Variants in PLEKHG4B observed in about 807,000 individuals in gnomAD.
The protein encoded by PLEKHG4B is pleckstrin homology domain-containing family G member 4B.
In PLEKHG4B, 111 loss-of-function variants were observed where a neutral mutation model predicts 121.3. That is an observed-to-expected ratio of 0.92 (90% CI 0.78 to 1.07). The LOEUF (loss-of-function observed/expected upper bound fraction) is 1.07, where lower values mean the gene tolerates loss of function less well. Ranked by LOEUF, PLEKHG4B falls within the 50% of genes least tolerant of loss-of-function variation. The pLI is 0.00. For synonymous variants in PLEKHG4B, 738 were observed against 725.0 expected (o/e 1.02, Z -0.29); for missense variants, 1,831 against 1,757.8 (o/e 1.04, Z -0.74).
Position 143,637 on chromosome 5 carries a change from C to T in PLEKHG4B, c.1811+134C>T. On this transcript the variant is annotated intron_variant, in intron 5 of 19. Coordinates refer to ENST00000637938, the MANE Select transcript of PLEKHG4B (RefSeq NM_052909.5). ...CCTCTCCTAACCTCATCTTTCAGAG[C>T]AGTCAGCACCCATGTGCTTCCAGCC... is the stretch of plus-strand genomic sequence containing the variant. The T allele has an allele frequency of 1.8e-6, 2 of 1,099,908 alleles. 1 individual carries two copies. Among genetic ancestry groups the T allele is most frequent in the South Asian group, 3.0e-5 (2 of 67,256 alleles). The allele number at this position is 1,099,908 out of a possible 1,614,324, so 68.1% of individuals were successfully genotyped here.
intron 1 of PLEKHG4B, among the ~76,000 whole-genome samples, chr5:99,247 A>T (rs1733731093): frequency 7.2e-6 from 1 of 138,978 alleles, no homozygotes; most frequent in African/African-American, 2.7e-5. Flanking sequence ...ATTCTATGCG[A>T]ATTTGAGGAT....
intron 2 of PLEKHG4B, among the ~76,000 whole-genome samples, chr5:123,152 T>C (rs981804155): frequency 2.0e-5 from 3 of 152,136 alleles, no homozygotes; most frequent in Non-Finnish European, 4.4e-5. Context: ...AACTACATAC[T>C]GTAGATGATT....
chr5:121,819 G>A (rs2126369404), intron 2 of PLEKHG4B, among the ~76,000 whole-genome samples: 1 of 152,120 alleles, frequency 6.6e-6, no homozygotes, highest in South Asian at 2.1e-4. Flanking sequence ...TAATAAAAGA[G>A]TAGACCAGCA....
At position 96,141 on chromosome 5, in the gene PLEKHG4B, C is replaced by T. The variant is rs906991307; in HGVS notation, c.45+3865C>T. Among the ~76,000 whole-genome samples, 7 of 152,296 alleles carry T rather than the reference C, an allele frequency of 4.6e-5. No homozygotes were observed. In the East Asian group the frequency reaches 1.3e-3, roughly 29 times the overall value. ...AGTGGTTTGGGATTCAGGCTGTGCA[C>T]ACACTGGCCCAGGTCAACTTTTGGT... is the stretch of plus-strand genomic sequence containing the variant. On this transcript the variant is annotated intron_variant, in intron 1 of 19. Transcript: ENST00000637938.
chr5:108,189 A>G (rs981877974), intron 1 of PLEKHG4B, among the ~76,000 whole-genome samples: 2 of 152,178 alleles, frequency 1.3e-5, no homozygotes, highest in Admixed American at 6.5e-5. Flanking sequence ...GAATCTCTCT[A>G]AATCTACTCA....
chr5:162,088 G>A, intron 12 of PLEKHG4B, 144 bp downstream of exon 12: 1 of 1,066,202 alleles, frequency 9.4e-7, no homozygotes, highest in Non-Finnish European at 1.3e-6. Flanking sequence ...CCTGGCCACT[G>A]CGCCCACGGC....
chr5:163,217 A>G lies in PLEKHG4B; in HGVS notation c.3145A>G (p.Thr1049Ala), dbSNP rs1331070808. 2 of 1,598,948 alleles carry G rather than the reference A, an allele frequency of 1.3e-6. No individual in the cohort carries two copies. Among genetic ancestry groups the G allele is most frequent in the African/African-American group, 2.7e-5 (2 of 74,648 alleles). Residue 1049 changes from threonine to alanine, a missense_variant, in exon 13 of 20, where the codon ACC (threonine) becomes GCC (alanine). Thr to Ala is a moderately conservative substitution (Grantham distance 58). Transcript: ENST00000637938. ...CAGGGGCCTTCCAGGGGCAGGGGCC[A>G]CCACGGCCCACCTGGAGGACAGCTC... ...LLRGLPGAGA[T>A]TAHLEDSSAC...
chr5:92,706 C>T (rs796631159), intron 1 of PLEKHG4B, among the ~76,000 whole-genome samples: 19 of 151,918 alleles, frequency 1.3e-4, no homozygotes, highest in African/African-American at 4.1e-4. Flanking sequence ...ACAGATTTGC[C>T]CTCTCGGTGC....
chr5:146,876 G>A (rs1036380545), intron 6 of PLEKHG4B, among the ~76,000 whole-genome samples: 20 of 150,632 alleles, frequency 1.3e-4, no homozygotes, highest in Admixed American at 9.9e-4. Context: ...TGTCAGTCCC[G>A]CCTGTGGTTT....
chr5:166,321 A>G (rs71583037), intron 13 of PLEKHG4B, among the ~76,000 whole-genome samples: 10 of 23,160 alleles, frequency 4.3e-4, no homozygotes, highest in Admixed American at 1.3e-3. Context: ...GACGGGGCGG[A>G]GCTCACACTA....
At chr5:132,399 A>T (rs558354605) in intron 2 of PLEKHG4B, among the ~76,000 whole-genome samples, 1 of 152,316 alleles carries the variant, frequency 6.6e-6, no homozygotes, top group Non-Finnish European at 1.5e-5. Flanking sequence ...ACTTTAATAA[A>T]GTCCCATCTA....
intron 1 of PLEKHG4B, among the ~76,000 whole-genome samples, chr5:95,426 C>T (rs1008729988): frequency 2.0e-5 from 3 of 152,122 alleles, no homozygotes; most frequent in South Asian, 2.1e-4. Context: ...AAAGCCTCTC[C>T]GGCCCTGGGG....
At chr5:114,952 G>T (rs1279398054) in intron 2 of PLEKHG4B, among the ~76,000 whole-genome samples, 1 of 152,136 alleles carries the variant, frequency 6.6e-6, no homozygotes, top group Non-Finnish European at 1.5e-5. Context: ...TCCCCTTCAT[G>T]TTGATATTCT....
intron 1 of PLEKHG4B, among the ~76,000 whole-genome samples, chr5:108,510 T>TGGTGTAGACAGACTGGGTGCAGATGGCTG (rs1734042035): frequency 7.1e-6 from 1 of 140,408 alleles, no homozygotes; most frequent in African/African-American, 2.7e-5. Context: ...TGCAGATGGC[T>TGGTGTAGACAGACTGGGTGCAGATGGCTG]GGTGTAGACA....
rs770208090 is a variant in PLEKHG4B, at chr5:172,895, A to G, written c.4051-2A>G. On this transcript the variant is annotated splice_acceptor_variant, in intron 16 of 19. Coordinates refer to ENST00000637938, the MANE Select transcript of PLEKHG4B (RefSeq NM_052909.5). LOFTEE classifies it high-confidence loss of function. ...GAAATCCACCTGTGTGTTCCTCTGC[A>G]GGTGAATTTGAAGGAACAGGGGCAG... 6.2e-7 allele frequency: 1 copy of G among 1,614,178 alleles called. No individual in the cohort carries two copies. Among genetic ancestry groups the G allele is most frequent in the East Asian group, 2.2e-5 (1 of 44,882 alleles).
chr5:111,483 G>A (rs917915030), intron 1 of PLEKHG4B, among the ~76,000 whole-genome samples: 3 of 152,210 alleles, frequency 2.0e-5, no homozygotes, highest in East Asian at 1.9e-4. Context: ...CGGTTGAGAC[G>A]GTGGCCCTGG....
At position 169,472 on chromosome 5, in the gene PLEKHG4B, G is replaced by A. The variant is rs770501722; in HGVS notation, c.3609G>A (p.Lys1203=). The change falls in exon 14 of 20, where the codon AAG becomes AAA. Residue 1203 remains lysine (K), a synonymous_variant. Transcript: ENST00000637938. ...ACTTGCCCCAGGGCCTTCGAGGGAA[G>A]CACCACGTTATTTTCGGCAACTTGG... The part of the protein sequence containing the change: ...RMDLPQGLRG[K]HHVIFGNLEK... The A allele has an allele frequency of 1.9e-6, 3 of 1,614,242 alleles. No homozygotes were observed. In the East Asian group the frequency reaches 6.7e-5, roughly 36 times the overall value.
chr5:144,984 C>A (rs970501923), intron 6 of PLEKHG4B, 64 bp downstream of exon 6: 4 of 1,464,346 alleles, frequency 2.7e-6, no homozygotes, highest in Non-Finnish European at 3.8e-6. Context: ...GTTGCTGGGG[C>A]TGCCCACATC....
chr5:138,470 G>A (rs983435436), intron 2 of PLEKHG4B, among the ~76,000 whole-genome samples: 2 of 152,204 alleles, frequency 1.3e-5, no homozygotes, highest in African/African-American at 4.8e-5. Flanking sequence ...TTAGAAAAAG[G>A]CTTTTGAGAA....
Sources: gnomAD v4.1 joint callset for allele counts (sites outside exome capture counted in the v4.1 genomes callset) on GRCh38, gnomAD v4.1.1 for gene constraint, MANE v1.5 for transcripts, NCBI Gene and HGNC (gene_info 2026-07-23, HGNC 2026-07-21) for gene names.